Variants in NRP1 observed in about 807,000 individuals in gnomAD.
NRP1 encodes neuropilin-1.
Under a neutral mutation model 106.7 loss-of-function variants are expected in NRP1, and 35 were observed. The ratio of observed to expected loss-of-function variants is 0.33; its 90% CI spans 0.25 to 0.43. NRP1 has a LOEUF of 0.43. NRP1 is among the 20% of genes least tolerant of loss of function. NRP1 has a pLI of 1.00. For missense variants in NRP1, 1,024 were observed against 1,170.4 expected, an observed-to-expected ratio of 0.87 and a Z score of 1.83; for synonymous variants, 437 against 417.9, an observed-to-expected ratio of 1.05 and a Z score of -0.56.
chr10:33,198,531 A>T (rs1836975735), intron 11 of NRP1, among the ~76,000 whole-genome samples: 2 of 151,954 alleles, frequency 1.3e-5, no homozygotes, highest in African/African-American at 2.4e-5. Flanking sequence ...CTCCACGGGC[A>T]CTCACTGATT....
chr10:33,199,729 G>A (rs1172360648), intron 11 of NRP1, among the ~76,000 whole-genome samples: 1 of 152,108 alleles, frequency 6.6e-6, no homozygotes, highest in African/African-American at 2.4e-5. Flanking sequence ...TCAGGGTAAG[G>A]GAATGGGGTG....
At chr10:33,187,362 T>A (rs1007474009) in intron 13 of NRP1, among the ~76,000 whole-genome samples, 9 of 152,178 alleles carry the variant, frequency 5.9e-5, no homozygotes, top group African/African-American at 2.2e-4. Flanking sequence ...AATGTAGTAA[T>A]CTTTTTTTTT....
intron 11 of NRP1, chr10:33,201,326 T>C (rs1359834423): frequency 6.6e-6 from 1 of 152,232 alleles, no homozygotes; most frequent in African/African-American, 2.4e-5. Context: ...GCTTTGTTTC[T>C]AATCAATATT....
intron 2 of NRP1, among the ~76,000 whole-genome samples, chr10:33,285,772 G>T (rs150994830): frequency 4.3e-4 from 65 of 152,252 alleles, no homozygotes; most frequent in African/African-American, 1.6e-3. Context: ...GGCTGAGGCT[G>T]CAGGGAGCCA....
intron 2 of NRP1, among the ~76,000 whole-genome samples, chr10:33,312,379 C>T (rs1379449982): frequency 6.6e-6 from 1 of 152,124 alleles, no homozygotes; most frequent in African/African-American, 2.4e-5. Flanking sequence ...TGGGCATTTC[C>T]TTTAAAAATG....
chr10:33,180,444 G>A (rs151032118), intron 16 of NRP1, 79 bp from the exon 17 acceptor site: 24 of 1,394,800 alleles, frequency 1.7e-5, no homozygotes, highest in Admixed American at 2.2e-5. Flanking sequence ...AGAAAGGAAC[G>A]AAACAGGAGC....
chr10:33,239,197 AG>A (rs1202620833), intron 6 of NRP1, among the ~76,000 whole-genome samples: 2 of 151,792 alleles, frequency 1.3e-5, no homozygotes, highest in African/African-American at 2.4e-5. Flanking sequence ...GGCTGAGGAG[AG>A]GATCACTTGA....
At chr10:33,259,587 T>C (rs1842440112) in intron 4 of NRP1, among the ~76,000 whole-genome samples, 1 of 152,208 alleles carries the variant, frequency 6.6e-6, no homozygotes, top group Admixed American at 6.5e-5. Context: ...AATTGAATTA[T>C]TGCAGAATTT....
At chr10:33,187,667 G>A (rs1371093992) in intron 13 of NRP1, among the ~76,000 whole-genome samples, 1 of 152,152 alleles carries the variant, frequency 6.6e-6, no homozygotes, top group African/African-American at 2.4e-5. Flanking sequence ...TTCACTGTTG[G>A]CTCTGCAAAT....
intron 2 of NRP1, among the ~76,000 whole-genome samples, chr10:33,328,147 T>A (rs746867689): frequency 6.6e-6 from 1 of 152,154 alleles, no homozygotes; most frequent in Non-Finnish European, 1.5e-5. Flanking sequence ...ACTTTGCTGA[T>A]ATCACTAAAA....
chr10:33,293,295 C>T (rs1006978002), intron 2 of NRP1, among the ~76,000 whole-genome samples: 5 of 152,188 alleles, frequency 3.3e-5, no homozygotes, highest in African/African-American at 9.7e-5. Context: ...ACTTTAACTT[C>T]TTTAGTACAT....
intron 12 of NRP1, among the ~76,000 whole-genome samples, chr10:33,196,200 A>T (rs1258587190): frequency 6.6e-6 from 1 of 152,110 alleles, no homozygotes; most frequent in Non-Finnish European, 1.5e-5. Context: ...CCCCTTTCAT[A>T]GTCAAGGAGA....
chr10:33,267,204 G>A (rs1842983222), intron 3 of NRP1, among the ~76,000 whole-genome samples: 1 of 152,132 alleles, frequency 6.6e-6, no homozygotes, highest in Non-Finnish European at 1.5e-5. Flanking sequence ...TATACAGCTT[G>A]CAGAACTGTG....
chr10:33,283,925 A>G (rs1171986941), intron 2 of NRP1, among the ~76,000 whole-genome samples: 3 of 152,190 alleles, frequency 2.0e-5, no homozygotes, highest in Non-Finnish European at 4.4e-5. Context: ...AACAAGGGGA[A>G]CATACAACCC....
intron 12 of NRP1, chr10:33,194,809 T>C: frequency 2.0e-6 from 1 of 504,826 alleles, no homozygotes; most frequent in Non-Finnish European, 4.1e-6. Flanking sequence ...AAACCACCCA[T>C]AAACATTTAT....
chr10:33,183,262 T>C (rs993933707), intron 15 of NRP1, among the ~76,000 whole-genome samples: 6 of 151,158 alleles, frequency 4.0e-5, no homozygotes, highest in African/African-American at 1.5e-4. Flanking sequence ...GCCATGATGG[T>C]GCCACTGCAC....
chr10:33,232,832 G>A (rs967038454), intron 6 of NRP1, among the ~76,000 whole-genome samples: 1 of 151,368 alleles, frequency 6.6e-6, no homozygotes, highest in Non-Finnish European at 1.5e-5. Flanking sequence ...TTTTTTAGTA[G>A]AGATGGGGTT....
chr10:33,264,218 C>T (rs997141200), intron 3 of NRP1, among the ~76,000 whole-genome samples: 4 of 152,188 alleles, frequency 2.6e-5, no homozygotes, highest in African/African-American at 9.7e-5. Flanking sequence ...CCCCTTCAAG[C>T]TTAAACCTTT....
chr10:33,327,167 T>G (rs562443559), intron 2 of NRP1, among the ~76,000 whole-genome samples: 16 of 152,296 alleles, frequency 1.1e-4, no homozygotes, highest in Non-Finnish European at 2.1e-4. Flanking sequence ...GGGTGTATCA[T>G]GTGCAAATCA....
Sources: gnomAD v4.1 joint callset for allele counts (sites outside exome capture counted in the v4.1 genomes callset) on GRCh38, gnomAD v4.1.1 for gene constraint, MANE v1.5 for transcripts, NCBI Gene and HGNC (gene_info 2026-07-23, HGNC 2026-07-21) for gene names.